Variants in PIGF observed in about 807,000 individuals in gnomAD.
The protein encoded by PIGF is phosphatidylinositol glycan anchor biosynthesis class F.
In PIGF, 23 loss-of-function variants were observed where a neutral mutation model predicts 26.0. The observed-to-expected ratio is 0.88, with a 90% CI of 0.64 to 1.25. The LOEUF (loss-of-function observed/expected upper bound fraction) is 1.25, where lower values mean the gene tolerates loss of function less well. Among genes scored for constraint, PIGF ranks in the 50% most tolerant of loss-of-function variants. The pLI is 0.00. For missense variants in PIGF, 278 were observed against 249.9 expected (o/e 1.11, Z -0.76); for synonymous variants, 93 against 92.6 (o/e 1.00, Z -0.03).
intron 4 of PIGF, among the ~76,000 whole-genome samples, chr2:46,595,238 C>T (rs1343154186): frequency 6.6e-6 from 1 of 152,186 alleles, no homozygotes; most frequent in African/African-American, 2.4e-5. Context: ...CATCCCCAGA[C>T]TCTTTAACCA....
intron 1 of PIGF, 76 bp from the exon 2 acceptor site, chr2:46,615,261 A>T: frequency 1.5e-6 from 1 of 672,724 alleles, no homozygotes; most frequent in Non-Finnish European, 2.7e-6. Flanking sequence ...GACCCCTAAA[A>T]ATAGGTCATA....
Position 46,589,534 on chromosome 2 carries a change from T to C in PIGF, c.546+2941A>G, listed in dbSNP as rs1669668231. ...CATGTGTGTGTTTTTAAAGGTACAA[T>C]TGCTTAACCAGATATTCCTGTTTCT... On this transcript the variant is annotated intron_variant, in intron 5 of 5. Coordinates refer to ENST00000281382, the MANE Select transcript of PIGF (RefSeq NM_002643.4). This position sits in a 1 kb window ranked among gnomAD's most constrained non-coding sequence, Gnocchi z 4.7. Among the ~76,000 whole-genome samples the C allele has an allele frequency of 1.3e-5, 2 of 151,800 alleles. No homozygotes were observed. Among genetic ancestry groups the C allele is most frequent in the Non-Finnish European group, 2.9e-5 (2 of 67,860 alleles).
In PIGF at chr2:46,601,644, TA is replaced by T. The variant is rs764735546; in HGVS notation, c.438-9062del. Among the ~76,000 whole-genome samples the T allele has an allele frequency of 3.0e-4, 46 of 152,224 alleles. 1 individual carries two copies. Among genetic ancestry groups the T allele is most frequent in the Admixed American group, 7.9e-4 (12 of 15,284 alleles). On this transcript the variant is annotated intron_variant, in intron 4 of 5. Coordinates refer to ENST00000281382, the MANE Select transcript of PIGF (RefSeq NM_002643.4). ...ATTAAAACAAATGCCTCTTTGCCAC[TA>T]AATTTTTTGCCCACATTTATACTAA...
Position 46,581,228 on chromosome 2 carries a change from G to T in PIGF, c.*250C>A. On this transcript the variant is annotated 3_prime_UTR_variant, in exon 6 of 6. Coordinates refer to ENST00000281382, the MANE Select transcript of PIGF (RefSeq NM_002643.4). ...ACCTGTCCTCAGAATTCTATAAAGT[G>T]TATTAAGAATGTTCCTTAAAGGTTT... 1.0e-6 allele frequency: 1 copy of T among 984,468 alleles called. No individual in the cohort carries two copies. The highest frequency in any genetic ancestry group is 1.5e-6 in the Non-Finnish European group (1 of 680,796). The allele number at this position is 984,468 out of a possible 1,614,324, so 61.0% of individuals were successfully genotyped here. A position where few individuals can be genotyped will look rare whatever the true frequency, so the allele number is the denominator to read the frequency against.
intron 5 of PIGF, 140 bp downstream of exon 5, chr2:46,592,335 A>G: frequency 1.6e-6 from 1 of 621,058 alleles, no homozygotes; most frequent in South Asian, 1.8e-5. Flanking sequence ...GAAGCTGCCC[A>G]GATTACAGTG....
intron 4 of PIGF, among the ~76,000 whole-genome samples, chr2:46,595,402 A>C (rs1046290778): frequency 5.3e-5 from 8 of 152,198 alleles, no homozygotes; most frequent in African/African-American, 1.4e-4. Flanking sequence ...AATGTTTTCA[A>C]GGTTCATCCA....
intron 4 of PIGF, among the ~76,000 whole-genome samples, chr2:46,595,430 A>G (rs1181578188): frequency 6.6e-6 from 1 of 152,210 alleles, no homozygotes; most frequent in African/African-American, 2.4e-5. Context: ...GCATGTATCA[A>G]TATTTCATTC....
rs1670662130 is a variant in PIGF, at chr2:46,616,973, ACT to A, written c.-27_-26del. ...GAGGGCGTCCAGCGGGGCTTACCTA[ACT>A]CTCCCTCCCGCGGAAGGGAAGCGGG... On this transcript the variant is annotated 5_prime_UTR_variant, in exon 1 of 6. It removes the in-frame stop codon of an upstream open reading frame in the 5' UTR. Transcript: ENST00000281382. 3.8e-6 allele frequency: 2 copies of A among 530,944 alleles called. No individual in the cohort carries two copies. The highest frequency in any genetic ancestry group is 7.0e-5 in the East Asian group (2 of 28,694). The allele number at this position is 530,944 out of a possible 1,614,324, so 32.9% of individuals were successfully genotyped here. A position where few individuals can be genotyped will look rare whatever the true frequency, so the allele number is the denominator to read the frequency against.
intron 5 of PIGF, among the ~76,000 whole-genome samples, chr2:46,584,500 A>G (rs1176856572): frequency 6.6e-6 from 1 of 152,206 alleles, no homozygotes; most frequent in Non-Finnish European, 1.5e-5. Flanking sequence ...AAACACATAC[A>G]TACCACCACG....
intron 4 of PIGF, among the ~76,000 whole-genome samples, chr2:46,596,157 T>C (rs1326324020): frequency 6.8e-6 from 1 of 147,542 alleles, no homozygotes; most frequent in East Asian, 2.0e-4. Flanking sequence ...GAGGTTGTCG[T>C]GAGCCGAGAC....
chr2:46,585,663 C>T (rs1669547248), intron 5 of PIGF, among the ~76,000 whole-genome samples: 1 of 152,176 alleles, frequency 6.6e-6, no homozygotes, highest in African/African-American at 2.4e-5. Context: ...TTTCTTTGGT[C>T]ACTGACACTA....
chr2:46,581,566 C>G lies in PIGF; in HGVS notation c.572G>C (p.Gly191Ala). 1 of 1,611,394 alleles carries G rather than the reference C, an allele frequency of 6.2e-7. No individual in the cohort carries two copies. Among genetic ancestry groups the G allele is most frequent in the Non-Finnish European group, 8.5e-7 (1 of 1,179,514 alleles). The part of the protein sequence containing the change: ...WQVWPISCTL[G>A]ATFGYVAGLV... Reference sequence around the variant, plus strand: ...GCCAGCCACGTAGCCAAAGGTCGCTCCAAGCGTACAGGAGATGGGCCATAC... The same window carrying G: ...GCCAGCCACGTAGCCAAAGGTCGCTGCAAGCGTACAGGAGATGGGCCATAC... The change falls in exon 6 of 6, where the codon GGA becomes GCA. Residue 191 changes from glycine to alanine, a missense_variant. Gly to Ala is a moderately conservative substitution (Grantham distance 60, BLOSUM62 0). Coordinates refer to ENST00000281382, the MANE Select transcript of PIGF (RefSeq NM_002643.4).
rs879398146 is a variant in PIGF, at chr2:46,589,885, C to T, written c.546+2590G>A. On this transcript the variant is annotated intron_variant, in intron 5 of 5. Transcript: ENST00000281382. This position sits in a 1 kb window ranked among gnomAD's most constrained non-coding sequence, Gnocchi z 4.7. ...CTGGAAATAAAAAGTGAAAAAAAAA[C>T]CTCATTTCTTTAGTTTATTAGTAAA... Among the ~76,000 whole-genome samples the T allele has an allele frequency of 1.3e-5, 2 of 151,398 alleles. No homozygotes were observed. Among genetic ancestry groups the T allele is most frequent in the Admixed American group, 1.3e-4 (2 of 15,196 alleles).
At chr2:46,603,414 CAA>C (rs1476593259) in intron 4 of PIGF, among the ~76,000 whole-genome samples, 3 of 151,916 alleles carry the variant, frequency 2.0e-5, no homozygotes, top group African/African-American at 7.2e-5. Context: ...CTATCCTGAG[CAA>C]AAAGAACAGA....
intron 4 of PIGF, among the ~76,000 whole-genome samples, chr2:46,608,830 T>C (rs116463831): frequency 0.013 from 2,017 of 152,338 alleles, 43 homozygotes; most frequent in African/African-American, 0.046. Context: ...CAGTAAACCA[T>C]GTTATAAACA....
intron 5 of PIGF, among the ~76,000 whole-genome samples, chr2:46,585,053 C>T (rs1022785357): frequency 3.9e-5 from 6 of 152,098 alleles, no homozygotes; most frequent in Admixed American, 6.6e-5. Context: ...TGTTTCTATT[C>T]AACGTTCTTC....
At chr2:46,606,339 G>A (rs1353658774) in intron 4 of PIGF, among the ~76,000 whole-genome samples, 1 of 152,112 alleles carries the variant, frequency 6.6e-6, no homozygotes, top group Non-Finnish European at 1.5e-5. Flanking sequence ...GACAACTTTT[G>A]ACATAAATGG....
At position 46,614,554 on chromosome 2, in the gene PIGF, A is replaced by G. The variant is rs145549918; in HGVS notation, c.228+383T>C. On this transcript the variant is annotated intron_variant, in intron 2 of 5. Transcript: ENST00000281382. ...AAGCATTACCACAGGCTTATATTGCAATTTCTGAAAATCCCACTAAGTGGC... is the reference window on the plus strand; with the variant it reads ...AAGCATTACCACAGGCTTATATTGCGATTTCTGAAAATCCCACTAAGTGGC... 398 of 160,268 alleles carry G rather than the reference A, an allele frequency of 2.5e-3. 1 individual carries two copies. Among genetic ancestry groups the G allele is most frequent in the African/African-American group, 9.0e-3 (377 of 41,676 alleles). 9.9% of individuals were successfully genotyped at this position (160,268 alleles called of 1,614,324 possible).
chr2:46,597,917 T>C (rs552997813), intron 4 of PIGF, among the ~76,000 whole-genome samples: 1 of 152,336 alleles, frequency 6.6e-6, no homozygotes, highest in South Asian at 2.1e-4. Flanking sequence ...GCTGAAAATA[T>C]ATGGGCCTTC....
Sources: allele counts gnomAD v4.1 joint callset (sites outside exome capture counted in the v4.1 genomes callset), GRCh38; gene constraint gnomAD v4.1.1; non-coding constraint Gnocchi (gnomAD v3.1); transcripts MANE v1.5; gene names NCBI Gene and HGNC (gene_info 2026-07-23, HGNC 2026-07-21).